The following GOLIM4 variants were observed in gnomAD, a reference collection of about 807,000 sequenced individuals.
GOLIM4 encodes golgi integral membrane protein 4, also known as 130 kDa golgi-localized phosphoprotein.
A neutral mutation model predicts 107.4 loss-of-function variants in GOLIM4; 71 were observed. The observed-to-expected ratio is 0.66, with a 90% CI of 0.55 to 0.81. GOLIM4 has a LOEUF of 0.81. GOLIM4 is among the 30% of genes least tolerant of loss of function. The probability of loss-of-function intolerance (pLI) is 0.00; values close to 1 mark genes in which losing one functional copy is unlikely to be tolerated. For synonymous variants in GOLIM4, 327 were observed against 294.8 expected (o/e 1.11, Z -1.12); for missense variants, 830 against 826.1 (o/e 1.00, Z -0.06).
intron 11 of GOLIM4, 118 bp downstream of exon 11, chr3:168,029,105 T>A: frequency 1.7e-6 from 1 of 590,560 alleles, no homozygotes; most frequent in East Asian, 2.9e-5. Flanking sequence ...TTCACAAACC[T>A]CCTTTGCACT....
At chr3:168,063,306 T>A (rs1026367849) in intron 1 of GOLIM4, among the ~76,000 whole-genome samples, 6 of 152,216 alleles carry the variant, frequency 3.9e-5, no homozygotes, top group Admixed American at 3.9e-4. Flanking sequence ...CTAGAATTCT[T>A]AGTGATATCC....
chr3:168,073,168 A>T (rs1218634843), intron 1 of GOLIM4, among the ~76,000 whole-genome samples: 3 of 152,188 alleles, frequency 2.0e-5, no homozygotes, highest in Non-Finnish European at 4.4e-5. Flanking sequence ...TCCAAGTTTC[A>T]CACTTCCCCA....
chr3:168,058,556 G>A (rs545588411), intron 1 of GOLIM4, among the ~76,000 whole-genome samples: 1 of 152,268 alleles, frequency 6.6e-6, no homozygotes, highest in South Asian at 2.1e-4. Context: ...AAGTATAGGA[G>A]TTACTCTTAT....
At chr3:168,031,958 G>A (rs954468978) in intron 9 of GOLIM4, among the ~76,000 whole-genome samples, 1 of 152,104 alleles carries the variant, frequency 6.6e-6, no homozygotes, top group Non-Finnish European at 1.5e-5. Flanking sequence ...AAAGGGAAAA[G>A]TCTTACGTGT....
At chr3:168,011,775 C>G (rs1320459114) in intron 14 of GOLIM4, among the ~76,000 whole-genome samples, 1 of 134,678 alleles carries the variant, frequency 7.4e-6, no homozygotes, top group Non-Finnish European at 1.5e-5. Flanking sequence ...CACCCCCCAG[C>G]AGGAGCACAC....
chr3:168,067,392 T>G (rs1720604344), intron 1 of GOLIM4, among the ~76,000 whole-genome samples: 1 of 151,402 alleles, frequency 6.6e-6, no homozygotes, highest in South Asian at 2.1e-4. Context: ...AAACAAAAAA[T>G]AGAGAGGTTA....
intron 12 of GOLIM4, among the ~76,000 whole-genome samples, chr3:168,026,046 G>T (rs897243842): frequency 1.6e-4 from 25 of 152,158 alleles, no homozygotes; most frequent in Admixed American, 6.5e-5. Flanking sequence ...GTAGGATTTG[G>T]TCTCTATCAG....
chr3:168,030,165 G>A, intron 9 of GOLIM4, 129 bp from the exon 10 acceptor site: 1 of 867,020 alleles, frequency 1.2e-6, no homozygotes. Flanking sequence ...GGTGAACTGT[G>A]ATTATACATG....
chr3:168,049,784 G>A (rs773274458), intron 1 of GOLIM4, among the ~76,000 whole-genome samples: 13 of 152,014 alleles, frequency 8.6e-5, no homozygotes, highest in Non-Finnish European at 1.5e-5. Context: ...TGTTATGATG[G>A]CCAACAACCA....
rs570013975 is a variant in GOLIM4 at position 168,012,203 on chromosome 3, T to C, written c.1861-1380A>G. Among the ~76,000 whole-genome samples the C allele has an allele frequency of 3.7e-4, 49 of 131,542 alleles. No individual in the cohort carries two copies. In the South Asian group the frequency reaches 0.01, roughly 27 times the overall value. The allele number at this position is 131,542 out of a possible 152,430, so 86.3% of individuals were successfully genotyped here. A position where few individuals can be genotyped will look rare whatever the true frequency, so the allele number is the denominator to read the frequency against. Reference sequence around the variant, plus strand: ...ACAGAGAAGTGCTTAAAGGAGCTGATGGAGCTGAAAACCAAGGCTCGAGAA... The same window carrying C: ...ACAGAGAAGTGCTTAAAGGAGCTGACGGAGCTGAAAACCAAGGCTCGAGAA... On this transcript the variant is annotated intron_variant, in intron 14 of 15. Coordinates refer to ENST00000470487, the MANE Select transcript of GOLIM4 (RefSeq NM_014498.5).
Position 168,009,438 on chromosome 3 carries a change from A to C in GOLIM4, c.*831T>G, listed in dbSNP as rs1170151295. ...CAATCAATGGCTTCAAACAAAAAAA[A>C]AAAAAAAAAATTGAGAATGGGTGCT... On this transcript the variant is annotated 3_prime_UTR_variant, in exon 16 of 16. Coordinates refer to ENST00000470487, the MANE Select transcript of GOLIM4 (RefSeq NM_014498.5). 6.7e-6 allele frequency: 1 copy of C among 148,732 alleles called. No individual in the cohort carries two copies. The highest frequency in any genetic ancestry group is 6.7e-5 in the Admixed American group (1 of 14,926). The allele number at this position is 148,732 out of a possible 1,614,324, so 9.2% of individuals were successfully genotyped here. A position where few individuals can be genotyped will look rare whatever the true frequency, so the allele number is the denominator to read the frequency against.
chr3:168,094,870 G>A (rs1004312658), intron 1 of GOLIM4, among the ~76,000 whole-genome samples: 1 of 152,320 alleles, frequency 6.6e-6, no homozygotes, highest in East Asian at 1.9e-4. Context: ...ACGATGGGCT[G>A]GTGCTACGAA....
chr3:168,067,906 G>A (rs1293354628), intron 1 of GOLIM4, among the ~76,000 whole-genome samples: 1 of 151,702 alleles, frequency 6.6e-6, no homozygotes, highest in African/African-American at 2.4e-5. Flanking sequence ...TTTATTGTGT[G>A]GGGCAGAAAG....
chr3:168,030,510 C>CAAAAAAA, intron 9 of GOLIM4, among the ~76,000 whole-genome samples: 1 of 102,450 alleles, frequency 9.8e-6, no homozygotes, highest in Non-Finnish European at 2.0e-5. Context: ...TAAGCATAGC[C>CAAAAAAA]AAAAAAAAAA....
chr3:168,010,567 C>A, intron 15 of GOLIM4, 149 bp from the exon 16 acceptor site: 1 of 758,220 alleles, frequency 1.3e-6, no homozygotes, highest in Non-Finnish European at 2.1e-6. Flanking sequence ...TGCTGTCTCT[C>A]CTACTTTTCA....
At chr3:168,050,267 G>C (rs1719540640) in intron 1 of GOLIM4, among the ~76,000 whole-genome samples, 2 of 149,798 alleles carry the variant, frequency 1.3e-5, no homozygotes, top group African/African-American at 5.0e-5. Context: ...CTGCTAAAAA[G>C]TAATTTTTTT....
At position 168,044,833 on chromosome 3, in the gene GOLIM4, A is replaced by C. The variant is rs750177737; in HGVS notation, c.361T>G (p.Leu121Val). 3 of 1,542,818 alleles carry C rather than the reference A, an allele frequency of 1.9e-6. No homozygotes were observed. The highest frequency in any genetic ancestry group is 4.5e-5 in the East Asian group (2 of 44,386). The change falls in exon 4 of 16, where the codon TTG becomes GTG. Residue 121 changes from leucine to valine, a missense_variant. By Grantham distance (32) the Leu-to-Val change is conservative. Transcript: ENST00000470487. ...AACAACTTTAGATTACTCACTTTCAACATCTGATGTTGGACATTCAGTGCA... is the reference window on the plus strand; with the variant it reads ...AACAACTTTAGATTACTCACTTTCACCATCTGATGTTGGACATTCAGTGCA... ...YSALNVQHQMLKSQHEELKKQ... is the reference protein window; with the variant it reads ...YSALNVQHQMVKSQHEELKKQ...
At chr3:168,052,638 T>TAC (rs1199473819) in intron 1 of GOLIM4, among the ~76,000 whole-genome samples, 6 of 152,178 alleles carry the variant, frequency 3.9e-5, no homozygotes, top group Non-Finnish European at 8.8e-5. Context: ...ATTAAGCACA[T>TAC]ACACACACAT....
Position 168,032,845 on chromosome 3 carries a change from C to T in GOLIM4, c.851G>A (p.Arg284Gln), listed in dbSNP as rs146720058. 36 of 1,609,866 alleles carry T rather than the reference C, an allele frequency of 2.2e-5. No individual in the cohort carries two copies. The highest frequency in any genetic ancestry group is 2.5e-5 in the Non-Finnish European group (30 of 1,176,934). Residue 284 changes from arginine (R) to glutamine (Q), a missense_variant, in exon 9 of 16, where the codon CGA becomes CAA. Transcript: ENST00000470487. ...KPTREVQEVS[R>Q]NNDVWQNHEA... is the part of the protein sequence containing the mutation. ...ATGGTTCTGCCACACATCATTATTT[C>T]GAGACACCTAGGCCAAGCACATCAC...
Sources: gnomAD v4.1 joint callset for allele counts (sites outside exome capture counted in the v4.1 genomes callset) on GRCh38, gnomAD v4.1.1 for gene constraint, MANE v1.5 for transcripts, NCBI Gene and HGNC (gene_info 2026-07-23, HGNC 2026-07-21) for gene names.